Variants in TOR1AIP1 observed in about 807,000 individuals in gnomAD.
TOR1AIP1 encodes the protein torsin 1A interacting protein 1.
Under a neutral mutation model 63.3 loss-of-function variants are expected in TOR1AIP1, and 54 were observed. The observed-to-expected ratio is 0.85, with a 90% CI of 0.69 to 1.07. TOR1AIP1 has a LOEUF of 1.07. Among genes scored for constraint, TOR1AIP1 ranks in the 50% least tolerant of loss-of-function variants. The pLI is 0.00. For synonymous variants in TOR1AIP1, 294 were observed against 273.5 expected, an observed-to-expected ratio of 1.07 and a Z score of -0.74; for missense variants, 736 against 715.0, an observed-to-expected ratio of 1.03 and a Z score of -0.33.
intron 2 of TOR1AIP1, among the ~76,000 whole-genome samples, chr1:179,887,266 G>A (rs970315559): frequency 6.6e-6 from 1 of 152,154 alleles, no homozygotes; most frequent in Non-Finnish European, 1.5e-5. Flanking sequence ...AGGCGTGGTG[G>A]TGGGCACCTG....
In TOR1AIP1 at chr1:179,909,383, T is replaced by TTTTTG. The variant is rs144067149; in HGVS notation, c.907+750_907+754dup. Among the ~76,000 whole-genome samples, 141 of 147,754 alleles carry TTTTTG rather than the reference T, an allele frequency of 9.5e-4. 1 individual carries two copies. The highest frequency in any genetic ancestry group is 2.8e-3 in the African/African-American group (113 of 39,784). ...TTCATGTTTAGGGTTTTTTTTCTGT[T>TTTTTG]TTTTGTTTTGTTTTGTTTTGTTTTG... On this transcript the variant is annotated intron_variant, in intron 8 of 9. Transcript: ENST00000606911.
rs1322893835 is a variant in TOR1AIP1 at position 179,908,611 on chromosome 1, G to C, written c.845G>C (p.Gly282Ala). 6.2e-7 allele frequency: 1 copy of C among 1,613,130 alleles called. No individual in the cohort carries two copies. The highest frequency in any genetic ancestry group is 1.7e-5 in the Admixed American group (1 of 59,982). Residue 282 changes from glycine to alanine, a missense_variant, in exon 8 of 10, where the codon GGA (glycine) becomes GCA (alanine). Around this residue, in one of 2 missense-constraint regions of TOR1AIP1, gnomAD observed 464 missense variants for 371.0 expected, o/e 1.25. Coordinates refer to ENST00000606911, the MANE Select transcript of TOR1AIP1 (RefSeq NM_015602.4). ...HDKQPSVLSS[G>A]YQKTPQEWAP... ...ATATATGTATTTGCTTCAGGCTCAG[G>C]ATATCAAAAAACTCCCCAGGAATGG...
At chr1:179,884,929 C>T (rs1049244347) in intron 2 of TOR1AIP1, among the ~76,000 whole-genome samples, 160 bp downstream of exon 2, 2 of 152,138 alleles carry the variant, frequency 1.3e-5, no homozygotes, top group African/African-American at 2.4e-5. Context: ...AGGTATTATA[C>T]CAATTTCATA....
intron 7 of TOR1AIP1, among the ~76,000 whole-genome samples, chr1:179,908,370 G>A (rs1648719274): frequency 6.6e-6 from 1 of 152,122 alleles, no homozygotes; most frequent in South Asian, 2.1e-4. Flanking sequence ...TTTACCACAA[G>A]TAATTTGTAT....
chr1:179,898,888 T>G (rs1318274960), intron 3 of TOR1AIP1, among the ~76,000 whole-genome samples: 1 of 151,940 alleles, frequency 6.6e-6, no homozygotes, highest in African/African-American at 2.4e-5. Context: ...TATCAGCAGT[T>G]TTCTCTGGGT....
Position 179,917,735 on chromosome 1 carries a change from A to C in TOR1AIP1, c.1248A>C (p.Arg416=), listed in dbSNP as rs748935201. The change falls in exon 10 of 10, where the codon CGA becomes CGC. Residue 416 remains arginine, a synonymous_variant. Coordinates refer to ENST00000606911, the MANE Select transcript of TOR1AIP1 (RefSeq NM_015602.4). ...QPAILLLTAA[R]DAEEALRCLS... is the part of the protein sequence containing the mutation. ...CTATCTTACTGCTCACTGCTGCCCGAGATGCTGAAGAAGCACTTAGGTGTC... is the reference window on the plus strand; with the variant it reads ...CTATCTTACTGCTCACTGCTGCCCGCGATGCTGAAGAAGCACTTAGGTGTC... 7 of 1,614,092 alleles carry C rather than the reference A, an allele frequency of 4.3e-6. No homozygotes were observed. Among genetic ancestry groups the C allele is most frequent in the Non-Finnish European group, 5.9e-6 (7 of 1,180,052 alleles).
chr1:179,902,146 C>A (rs186306084), intron 5 of TOR1AIP1, among the ~76,000 whole-genome samples: 1 of 151,166 alleles, frequency 6.6e-6, no homozygotes, highest in Non-Finnish European at 1.5e-5. Context: ...CTGCCTCAGC[C>A]CCCCAAGCAG....
chr1:179,917,972 T>C lies in TOR1AIP1; in HGVS notation c.1485T>C (p.Tyr495=). The C allele has an allele frequency of 1.2e-6, 2 of 1,614,240 alleles. No homozygotes were observed. The highest frequency in any genetic ancestry group is 1.7e-6 in the Non-Finnish European group (2 of 1,180,050). Residue 495 remains tyrosine (Y), a synonymous_variant, in exon 10 of 10, where the codon TAT becomes TAC. Transcript: ENST00000606911. ...GCTCTACTTTGATCTTCTACAAATA[T>C]TGTGACCATGAAAACGCGGCCTTCA... ...PAGSTLIFYK[Y]CDHENAAFKD... is the part of the protein sequence containing the mutation.
chr1:179,906,740 C>A (rs1212723188), intron 6 of TOR1AIP1, among the ~76,000 whole-genome samples: 1 of 139,860 alleles, frequency 7.2e-6, no homozygotes, highest in African/African-American at 2.6e-5. Flanking sequence ...GTTCCCCCCC[C>A]CCCTTTTTTT....
At chr1:179,913,087 G>C (rs1440368137) in intron 8 of TOR1AIP1, among the ~76,000 whole-genome samples, 3 of 151,904 alleles carry the variant, frequency 2.0e-5, no homozygotes, top group Admixed American at 2.0e-4. Context: ...GGAAGGGAAA[G>C]GGAAGGGTTA....
chr1:179,906,487 T>C (rs530578955), intron 6 of TOR1AIP1, among the ~76,000 whole-genome samples: 1 of 152,228 alleles, frequency 6.6e-6, no homozygotes, highest in Non-Finnish European at 1.5e-5. Flanking sequence ...TACCTTGTTA[T>C]AATTGTAATG....
intron 2 of TOR1AIP1, among the ~76,000 whole-genome samples, chr1:179,885,066 A>G (rs971611005): frequency 2.6e-5 from 4 of 152,238 alleles, no homozygotes; most frequent in East Asian, 3.8e-4. Context: ...GTGCCTCACT[A>G]TCATTCTCTC....
At chr1:179,901,278 A>T in intron 4 of TOR1AIP1, 24 bp from the exon 5 acceptor site, 1 of 1,495,018 alleles carries the variant, frequency 6.7e-7, no homozygotes, top group Non-Finnish European at 9.3e-7. Context: ...AGACTATATT[A>T]GTATATTGTT....
At position 179,917,511 on chromosome 1, in the gene TOR1AIP1, C is replaced by T. The variant is rs1382333102; in HGVS notation, c.1024C>T (p.Pro342Ser). 6.2e-7 allele frequency: 1 copy of T among 1,613,794 alleles called. No individual in the cohort carries two copies. Among genetic ancestry groups the T allele is most frequent in the East Asian group, 2.2e-5 (1 of 44,902 alleles). ...FVKRNRWWLL[P>S]LIAALASGSF... ...CAAGAGGAACCGGTGGTGGCTACTT[C>T]CTCTGATAGCTGCTCTTGCCTCTGG... is the stretch of plus-strand genomic sequence containing the variant. The change falls in exon 10 of 10, where the codon CCT becomes TCT. Residue 342 changes from proline to serine, a missense_variant. Pro to Ser is a moderately conservative substitution (Grantham distance 74). Coordinates refer to ENST00000606911, the MANE Select transcript of TOR1AIP1 (RefSeq NM_015602.4).
intron 6 of TOR1AIP1, among the ~76,000 whole-genome samples, chr1:179,906,520 T>C (rs1648636796): frequency 1.3e-5 from 2 of 152,328 alleles, no homozygotes; most frequent in South Asian, 4.1e-4. Flanking sequence ...CATCCCATTG[T>C]GTCATTTTAC....
rs1571734753 is a variant in TOR1AIP1, at chr1:179,907,806, CCT to C, written c.797-16_797-15del. The C allele has an allele frequency of 5.7e-6, 9 of 1,581,554 alleles. No homozygotes were observed. The East Asian group carries it at 2.1e-4, about 36-fold the overall frequency. On this transcript the variant is annotated splice_polypyrimidine_tract_variant and intron_variant, in intron 6 of 9. Transcript: ENST00000606911. ...TTTTCAAGTATTCTATGACCTTATCCCTGTTTTCTGTTTCAGGTCAAAACTTC... is the reference window on the plus strand; with the variant it reads ...TTTTCAAGTATTCTATGACCTTATCCGTTTTCTGTTTCAGGTCAAAACTTC...
intron 3 of TOR1AIP1, among the ~76,000 whole-genome samples, chr1:179,891,462 A>G (rs1344482451): frequency 6.6e-6 from 1 of 152,024 alleles, no homozygotes; most frequent in Non-Finnish European, 1.5e-5. Context: ...TGACCTTGTG[A>G]TCTACCCCAC....
chr1:179,898,692 AG>A (rs1194731263), intron 3 of TOR1AIP1, among the ~76,000 whole-genome samples: 3 of 152,172 alleles, frequency 2.0e-5, no homozygotes, highest in African/African-American at 7.2e-5. Flanking sequence ...GTTTGAGACC[AG>A]CCTGGTCATG....
chr1:179,914,583 C>G (rs1195036258), intron 9 of TOR1AIP1, among the ~76,000 whole-genome samples: 2 of 152,140 alleles, frequency 1.3e-5, no homozygotes, highest in Admixed American at 1.3e-4. Context: ...ATCATGAGAT[C>G]AAGAGATCGA....
Sources: gnomAD v4.1 joint callset for allele counts (sites outside exome capture counted in the v4.1 genomes callset) on GRCh38, gnomAD v4.1.1 for gene constraint, gnomAD v4.1.1 regional missense constraint, MANE v1.5 for transcripts, NCBI Gene and HGNC (gene_info 2026-07-23, HGNC 2026-07-21) for gene names.